The following TMEM223 variants were observed in gnomAD, a reference collection of about 807,000 sequenced individuals.
TMEM223 encodes the protein transmembrane protein 223.
TMEM223 carries 14 observed loss-of-function variants against 14.1 expected under a neutral mutation model. The ratio of observed to expected loss-of-function variants is 0.99; its 90% CI spans 0.66 to 1.55. The LOEUF (loss-of-function observed/expected upper bound fraction) is 1.55. TMEM223 is among the 40% of genes most tolerant of loss of function. The pLI, the probability that TMEM223 is intolerant of heterozygous loss-of-function variation, is 0.00. For synonymous variants in TMEM223, 145 were observed against 120.5 expected, an observed-to-expected ratio of 1.20 and a Z score of -1.33; for missense variants, 346 against 269.9, an observed-to-expected ratio of 1.28 and a Z score of -1.97.
chr11:62,786,134 A>C (rs1488765329), downstream of TMEM223: 2 of 1,205,698 alleles, frequency 1.7e-6, no homozygotes, highest in African/African-American at 3.0e-5. Context: ...TATGCCAATC[A>C]GGGAATTTAG....
At chr11:62,775,329 C>G (rs888185857) in intron 1 of TMEM223, among the ~76,000 whole-genome samples, 1 of 152,152 alleles carries the variant, frequency 6.6e-6, no homozygotes, top group South Asian at 2.1e-4. Flanking sequence ...CACCTGGTCC[C>G]GCTCTTGACA....
intron 1 of TMEM223, chr11:62,782,322 C>T: frequency 6.2e-7 from 1 of 1,613,518 alleles, no homozygotes; most frequent in Non-Finnish European, 8.5e-7. Context: ...TCCTGCTCAG[C>T]CACATCTTCT....
intron 1 of TMEM223, chr11:62,775,785 T>C: frequency 6.2e-7 from 1 of 1,607,230 alleles, no homozygotes. Context: ...ACTGGGGCCA[T>C]GTCAGAGCGA....
downstream of TMEM223, chr11:62,787,009 C>T: frequency 2.7e-6 from 4 of 1,486,336 alleles, no homozygotes; most frequent in Non-Finnish European, 3.5e-6. Context: ...GCCGCGCGTG[C>T]ATCGGGCGCG....
intron 1 of TMEM223, chr11:62,776,397 T>A: frequency 6.2e-7 from 1 of 1,613,548 alleles, no homozygotes; most frequent in Non-Finnish European, 8.5e-7. Context: ...AGCTCTCAGT[T>A]CATGAAGCAC....
In TMEM223 at chr11:62,791,779, A is replaced by T. The variant is rs2084364304; in HGVS notation, c.216T>A (p.Val72=). 1 of 1,568,370 alleles carries T rather than the reference A, an allele frequency of 6.4e-7. No individual in the cohort carries two copies. The change falls in exon 1 of 2, where the codon GTT becomes GTA. Residue 72 remains valine, a synonymous_variant. Transcript: ENST00000307366. ...CCTCCGCATCCAGAGGCTGCACCGG[A>T]ACCGGGGGCCGGGACACGGCTGCCA... ...MAVAAVSRPP[V]PVQPLDAEVP...
chr11:62,786,838 G>T, downstream of TMEM223: 1 of 1,601,002 alleles, frequency 6.2e-7, no homozygotes, highest in Non-Finnish European at 8.5e-7. Flanking sequence ...GCCGCCCGGG[G>T]ACAAGAAGGA....
At chr11:62,786,179 G>A (rs1400112166), downstream of TMEM223, 1 of 1,522,840 alleles carries the variant, frequency 6.6e-7, no homozygotes, top group Non-Finnish European at 9.0e-7. Context: ...AGAGATAAAG[G>A]TAGGTCTTTC....
intron 1 of TMEM223, among the ~76,000 whole-genome samples, chr11:62,775,005 A>G (rs1224053765): frequency 6.7e-6 from 1 of 149,474 alleles, no homozygotes; most frequent in African/African-American, 2.5e-5. Flanking sequence ...CGGAGGTTGC[A>G]GTGAGCTGAG....
At chr11:62,780,952 A>G (rs1157015815) in intron 1 of TMEM223, among the ~76,000 whole-genome samples, 7 of 124,022 alleles carry the variant, frequency 5.6e-5, no homozygotes, top group Admixed American at 3.4e-4. Context: ...AAAAAAAAAA[A>G]GGGCCGGGCA....
chr11:62,772,373 A>G (rs1590931339), intron 2 of TMEM223, among the ~76,000 whole-genome samples: 3 of 152,020 alleles, frequency 2.0e-5, no homozygotes, highest in Admixed American at 6.6e-5. Flanking sequence ...AATACAAAAA[A>G]TTAGCTGGGC....
At chr11:62,789,262 CCA>C, downstream of TMEM223, 2 of 1,614,040 alleles carry the variant, frequency 1.2e-6, no homozygotes, top group Non-Finnish European at 1.7e-6. Context: ...AGCCTCACCT[CCA>C]CCACAAGGCT....
chr11:62,780,886 G>A (rs889566850), intron 1 of TMEM223, among the ~76,000 whole-genome samples: 3 of 147,688 alleles, frequency 2.0e-5, no homozygotes, highest in Non-Finnish European at 4.5e-5. Context: ...GCAATGAGCC[G>A]AGATCGCGCC....
intron 1 of TMEM223, chr11:62,779,050 C>T (rs1441795712): frequency 2.3e-4 from 260 of 1,150,076 alleles, no homozygotes; most frequent in Non-Finnish European, 2.9e-4. Context: ...GACAGAGTTT[C>T]GCTCTTGTTG....
downstream of TMEM223, chr11:62,786,643 T>C (rs775130493): frequency 1.2e-6 from 2 of 1,603,492 alleles, no homozygotes; most frequent in Non-Finnish European, 1.7e-6. Flanking sequence ...TCAAGAGTCG[T>C]CCTCCGGGGG....
At chr11:62,781,530 C>T (rs1411943001) in intron 1 of TMEM223, among the ~76,000 whole-genome samples, 2 of 150,944 alleles carry the variant, frequency 1.3e-5, no homozygotes, top group African/African-American at 4.9e-5. Flanking sequence ...AAAAATTAGC[C>T]GGGTGTGGTG....
Position 62,791,943 on chromosome 11 carries a change from G to A in TMEM223, c.52C>T (p.Pro18Ser), listed in dbSNP as rs1565195680. 7 of 1,590,144 alleles carry A rather than the reference G, an allele frequency of 4.4e-6. No homozygotes were observed. The highest frequency in any genetic ancestry group is 6.0e-6 in the Non-Finnish European group (7 of 1,168,152). ...WPTGLLAVLRPLLTCRPLQGT... is the reference protein window; with the variant it reads ...WPTGLLAVLRSLLTCRPLQGT... ...TGCAGGGGCCGGCAGGTGAGCAGGG[G>A]CCGCAGCACGGCTAGCAGCCCCGTG... is the stretch of plus-strand genomic sequence containing the variant. The change falls in exon 1 of 2, where the codon CCC becomes TCC. Residue 18 changes from proline (P) to serine (S), a missense_variant. By Grantham distance (74) the Pro-to-Ser change is moderately conservative. Transcript: ENST00000307366.
chr11:62,781,254 AAAAG>A (rs952766950), intron 1 of TMEM223, among the ~76,000 whole-genome samples: 11 of 152,066 alleles, frequency 7.2e-5, no homozygotes, highest in East Asian at 1.9e-4. Context: ...AAAAAAAAGA[AAAAG>A]AAACTGAAAA....
downstream of TMEM223, among the ~76,000 whole-genome samples, chr11:62,784,525 C>T (rs1484844166): frequency 6.6e-6 from 1 of 151,880 alleles, no homozygotes; most frequent in Non-Finnish European, 1.5e-5. Context: ...CCAGGATGGT[C>T]TCGATCTCCT....
Sources: gnomAD v4.1 joint callset for allele counts (sites outside exome capture counted in the v4.1 genomes callset) on GRCh38, gnomAD v4.1.1 for gene constraint, MANE v1.5 for transcripts, NCBI Gene and HGNC (gene_info 2026-07-23, HGNC 2026-07-21) for gene names.